DHX35: variants seen among roughly 807,000 people sequenced by gnomAD.
DHX35 encodes the protein DEAH-box helicase 35, also known as probable ATP-dependent RNA helicase DHX35.
Under a neutral mutation model 99.6 loss-of-function variants are expected in DHX35, and 84 were observed. That is an observed-to-expected ratio of 0.84 (90% CI 0.71 to 1.01). The LOEUF is 1.01. DHX35 is among the 50% of genes least tolerant of loss of function. The pLI, the probability that DHX35 is intolerant of heterozygous loss-of-function variation, is 0.00. For missense variants in DHX35, 852 were observed against 888.5 expected, an observed-to-expected ratio of 0.96 and a Z score of 0.52; for synonymous variants, 331 against 316.2, an observed-to-expected ratio of 1.05 and a Z score of -0.50.
At chr20:39,000,141 C>G (rs1331889701) in intron 8 of DHX35, among the ~76,000 whole-genome samples, 2 of 152,182 alleles carry the variant, frequency 1.3e-5, no homozygotes, top group South Asian at 2.1e-4. Context: ...ATGTCTCCCC[C>G]TTCCCAGCCA....
chr20:38,999,231 A>G (rs1179368657), intron 8 of DHX35, among the ~76,000 whole-genome samples: 1 of 151,528 alleles, frequency 6.6e-6, no homozygotes, highest in African/African-American at 2.4e-5. Context: ...GGTAACATTC[A>G]CCCTTGTCCA....
At chr20:38,966,731 G>A (rs996940852) in intron 1 of DHX35, among the ~76,000 whole-genome samples, 10 of 152,106 alleles carry the variant, frequency 6.6e-5, no homozygotes, top group African/African-American at 1.9e-4. Context: ...GGAGGAATAC[G>A]GTAGTACAAA....
chr20:38,993,036 T>G (rs2086365355), intron 7 of DHX35, among the ~76,000 whole-genome samples: 1 of 152,216 alleles, frequency 6.6e-6, no homozygotes, highest in South Asian at 2.1e-4. Flanking sequence ...GTTTCAATCT[T>G]AACCTCCACT....
chr20:39,020,104 G>A (rs546366068), intron 15 of DHX35, among the ~76,000 whole-genome samples: 4 of 152,238 alleles, frequency 2.6e-5, no homozygotes, highest in Admixed American at 1.3e-4. Flanking sequence ...TTCATTGTGT[G>A]TGTACATATT....
intron 13 of DHX35, among the ~76,000 whole-genome samples, chr20:39,011,750 C>A (rs2086706029): frequency 6.6e-6 from 1 of 152,028 alleles, no homozygotes; most frequent in African/African-American, 2.4e-5. Flanking sequence ...TTTGTTTTTT[C>A]CCAACTGTAT....
intron 12 of DHX35, among the ~76,000 whole-genome samples, chr20:39,009,149 T>C (rs16987756): frequency 0.34 from 51,383 of 152,002 alleles, 8,796 homozygotes; most frequent in Middle Eastern, 0.53. Flanking sequence ...AGCAGGGTGG[T>C]CCTCTTATGT....
intron 5 of DHX35, among the ~76,000 whole-genome samples, chr20:38,989,143 G>A (rs1385974413): frequency 6.7e-6 from 1 of 148,640 alleles, no homozygotes; most frequent in Non-Finnish European, 1.5e-5. Context: ...TGTCACCCAG[G>A]CTGGAGTGCG....
At chr20:39,024,047 C>A (rs1432220000) in intron 17 of DHX35, among the ~76,000 whole-genome samples, 1 of 152,224 alleles carries the variant, frequency 6.6e-6, no homozygotes. Context: ...CTCACGTCAT[C>A]TCACATCCAC....
chr20:39,011,859 A>T (rs185095530), intron 13 of DHX35, among the ~76,000 whole-genome samples: 1 of 152,340 alleles, frequency 6.6e-6, no homozygotes, highest in Admixed American at 6.5e-5. Context: ...AGAACATACA[A>T]ATATCAACTC....
At chr20:38,977,876 G>C in intron 3 of DHX35, 1 of 572,082 alleles carries the variant, frequency 1.7e-6, no homozygotes, top group Non-Finnish European at 3.4e-6. Flanking sequence ...GGAGTATCTT[G>C]TATAGCTTTC....
chr20:38,994,482 A>G (rs1367454443), intron 7 of DHX35, among the ~76,000 whole-genome samples: 2 of 152,020 alleles, frequency 1.3e-5, no homozygotes, highest in African/African-American at 2.4e-5. Context: ...GATTCAAACT[A>G]TCTTGAGACC....
chr20:38,994,815 T>C lies in DHX35; in HGVS notation c.583-6T>C. 1 of 1,612,810 alleles carries C rather than the reference T, an allele frequency of 6.2e-7. No individual in the cohort carries two copies. The highest frequency in any genetic ancestry group is 8.5e-7 in the Non-Finnish European group (1 of 1,178,848). On this transcript the variant is annotated splice_region_variant and splice_polypyrimidine_tract_variant and intron_variant, in intron 7 of 21. Coordinates refer to ENST00000252011, the MANE Select transcript of DHX35 (RefSeq NM_021931.4). Reference sequence around the variant, plus strand: ...TATCATTATTTCCAAATGTCTTCTTTTTTAGATTCAGAAAAAGCGAGGGGA... The same window carrying C: ...TATCATTATTTCCAAATGTCTTCTTCTTTAGATTCAGAAAAAGCGAGGGGA...
In DHX35 at chr20:39,025,372, C is replaced by T. The variant is rs756330052; in HGVS notation, c.1801+13C>T. The stretch of plus-strand genomic sequence containing the variant: ...AAGTCTAGTGAAGGTGAGAAGAAAC[C>T]GTCCCAGCTGGTGACCTCCCTTGCT... On this transcript the variant is annotated intron_variant, in intron 18 of 21. Transcript: ENST00000252011. 51 of 1,611,276 alleles carry T rather than the reference C, an allele frequency of 3.2e-5. No homozygotes were observed. The highest frequency in any genetic ancestry group is 4.0e-5 in the Non-Finnish European group (47 of 1,178,612).
At chr20:38,977,740 C>G (rs538707185) in intron 3 of DHX35, 1 of 420,596 alleles carries the variant, frequency 2.4e-6, no homozygotes, top group East Asian at 5.2e-5. Flanking sequence ...TTAGTGTTTT[C>G]TACAGAACTT....
chr20:39,028,151 G>C (rs1415608567), intron 18 of DHX35, among the ~76,000 whole-genome samples: 1 of 152,186 alleles, frequency 6.6e-6, no homozygotes, highest in Admixed American at 6.5e-5. Flanking sequence ...GTCATCTGTG[G>C]CTTAGGGGAG....
chr20:38,970,345 C>T (rs1408068227), intron 2 of DHX35, among the ~76,000 whole-genome samples: 1 of 152,218 alleles, frequency 6.6e-6, no homozygotes, highest in Non-Finnish European at 1.5e-5. Context: ...GATTGCCTTA[C>T]TTGGAGTTTT....
At chr20:39,005,527 TATACTACATCATATC>T (rs1215635145) in intron 11 of DHX35, among the ~76,000 whole-genome samples, 12 of 152,370 alleles carry the variant, frequency 7.9e-5, no homozygotes, top group Admixed American at 3.3e-4. Flanking sequence ...ATACATGTTA[TATACTACATCATATC>T]ATATTGCCTC....
chr20:38,969,001 A>C (rs1173570228), intron 1 of DHX35, 80 bp from the exon 2 acceptor site: 2 of 1,423,098 alleles, frequency 1.4e-6, no homozygotes, highest in Middle Eastern at 1.9e-4. Context: ...GTATATCTTC[A>C]TCTTTGAAAG....
intron 8 of DHX35, among the ~76,000 whole-genome samples, chr20:39,000,069 C>T (rs944703386): frequency 6.6e-6 from 1 of 152,234 alleles, no homozygotes; most frequent in Non-Finnish European, 1.5e-5. Flanking sequence ...GACCTTGCCT[C>T]TGTCCTCCCT....
Sources: allele counts gnomAD v4.1 joint callset (sites outside exome capture counted in the v4.1 genomes callset), GRCh38; gene constraint gnomAD v4.1.1; transcripts MANE v1.5; gene names NCBI Gene and HGNC (gene_info 2026-07-23, HGNC 2026-07-21).